Variants in NLGN1 observed in about 807,000 individuals in gnomAD.
NLGN1 encodes neuroligin-1.
NLGN1 carries 12 observed loss-of-function variants against 65.5 expected under a neutral mutation model. The observed-to-expected ratio is 0.18, with a 90% CI of 0.12 to 0.30. NLGN1 has a LOEUF of 0.30. Among genes scored for constraint, NLGN1 ranks in the 10% least tolerant of loss-of-function variants. The pLI is 1.00. For missense variants in NLGN1, 750 were observed against 1,007.1 expected, an observed-to-expected ratio of 0.74 and a Z score of 3.46; for synonymous variants, 350 against 359.5, an observed-to-expected ratio of 0.97 and a Z score of 0.30.
At chr3:173,815,446 T>C (rs1333327785) in intron 4 of NLGN1, among the ~76,000 whole-genome samples, 1 of 151,988 alleles carries the variant, frequency 6.6e-6, no homozygotes, top group Non-Finnish European at 1.5e-5. Context: ...TTGTCAAGAT[T>C]CCCAAAGACC....
intron 4 of NLGN1, chr3:174,136,714 T>G (rs141877641): frequency 6.6e-6 from 1 of 152,088 alleles, no homozygotes; most frequent in African/African-American, 2.4e-5. Context: ...ATAACAATGT[T>G]AAAAACAGGT....
intron 2 of NLGN1, among the ~76,000 whole-genome samples, chr3:173,553,808 A>G (rs562549902): frequency 6.6e-6 from 1 of 152,316 alleles, no homozygotes; most frequent in Admixed American, 6.5e-5. Flanking sequence ...CGACTAACAG[A>G]AGGGCTCTTA....
intron 2 of NLGN1, among the ~76,000 whole-genome samples, chr3:173,518,513 T>C (rs146587478): frequency 8.3e-4 from 125 of 150,202 alleles, no homozygotes; most frequent in African/African-American, 3.0e-3. Flanking sequence ...ATGTATTATA[T>C]ATATATGAGT....
At chr3:174,009,247 C>T (rs1725035670) in intron 4 of NLGN1, among the ~76,000 whole-genome samples, 2 of 152,124 alleles carry the variant, frequency 1.3e-5, no homozygotes, top group South Asian at 4.1e-4. Flanking sequence ...ATTCTAATTA[C>T]CTCCCCAAAA....
chr3:174,051,591 G>A (rs1176345197), intron 4 of NLGN1, among the ~76,000 whole-genome samples: 1 of 152,008 alleles, frequency 6.6e-6, no homozygotes, highest in Non-Finnish European at 1.5e-5. Flanking sequence ...TTAGGGATTG[G>A]AGGACATAAA....
chr3:173,606,041 T>A (rs1227509574), intron 3 of NLGN1, among the ~76,000 whole-genome samples: 1 of 152,064 alleles, frequency 6.6e-6, no homozygotes, highest in East Asian at 1.9e-4. Flanking sequence ...ATCTGAACAC[T>A]CTATGGACTT....
intron 4 of NLGN1, among the ~76,000 whole-genome samples, chr3:174,172,871 G>A (rs1164218651): frequency 1.3e-5 from 2 of 152,026 alleles, no homozygotes; most frequent in Non-Finnish European, 2.9e-5. Context: ...TAGGTATTGT[G>A]ATAGGGATTG....
chr3:173,747,222 T>C (rs1431302840), intron 3 of NLGN1, among the ~76,000 whole-genome samples: 1 of 137,188 alleles, frequency 7.3e-6, no homozygotes, highest in Non-Finnish European at 1.5e-5. Flanking sequence ...TAAGTATATA[T>C]ATTTAAATAT....
intron 4 of NLGN1, among the ~76,000 whole-genome samples, chr3:174,094,114 G>A (rs1439225501): frequency 6.6e-6 from 1 of 152,018 alleles, no homozygotes; most frequent in African/African-American, 2.4e-5. Context: ...AATTAGTGAG[G>A]CTAACCAAAA....
At chr3:174,249,316 T>C (rs2152840562) in intron 4 of NLGN1, among the ~76,000 whole-genome samples, 1 of 152,332 alleles carries the variant, frequency 6.6e-6, no homozygotes, top group South Asian at 2.1e-4. Context: ...CTTGGTGCCT[T>C]CTGTGGTACC....
intron 4 of NLGN1, among the ~76,000 whole-genome samples, chr3:174,076,722 AGAGTGTGT>A (rs1201075787): frequency 3.0e-3 from 312 of 102,896 alleles, no homozygotes; most frequent in African/African-American, 6.1e-3. Flanking sequence ...AGAGAGAGAG[AGAGTGTGT>A]GTGTGTGTGT....
At position 173,907,597 on chromosome 3, in the gene NLGN1, T is replaced by G. The variant is rs1473492293; in HGVS notation, c.646+99765T>G. 2.0e-5 allele frequency among the ~76,000 whole-genome samples: 3 copies of G among 149,852 alleles called. No homozygotes were observed. The East Asian group carries it at 5.9e-4, about 29-fold the overall frequency. On this transcript the variant is annotated intron_variant, in intron 4 of 6. Transcript: ENST00000457714. ...CTCTCTCTCTCTTTTTTTTTTTTTT[T>G]TTTTTGAGTTGGAGTGTTGCTCTGT...
intron 4 of NLGN1, among the ~76,000 whole-genome samples, chr3:174,145,641 AT>A (rs1723090262): frequency 6.6e-6 from 1 of 152,224 alleles, no homozygotes; most frequent in African/African-American, 2.4e-5. Flanking sequence ...TGCTACTTGC[AT>A]TTTGCAGCAC....
chr3:174,148,305 G>C (rs1723717971), intron 4 of NLGN1, among the ~76,000 whole-genome samples: 1 of 152,160 alleles, frequency 6.6e-6, no homozygotes, highest in South Asian at 2.1e-4. Flanking sequence ...ATATGTCCTA[G>C]ATAATACAAT....
chr3:174,065,145 T>A (rs1360044165), intron 4 of NLGN1, among the ~76,000 whole-genome samples: 1 of 151,998 alleles, frequency 6.6e-6, no homozygotes, highest in African/African-American at 2.4e-5. Context: ...TAATAATATG[T>A]TATGGGTTTT....
intron 4 of NLGN1, among the ~76,000 whole-genome samples, chr3:174,191,812 T>C (rs1732440827): frequency 6.6e-6 from 1 of 152,100 alleles, no homozygotes; most frequent in South Asian, 2.1e-4. Context: ...TGTTTGTTTG[T>C]TTTTGTCTTT....
chr3:174,168,131 G>A (rs553326787), intron 4 of NLGN1, among the ~76,000 whole-genome samples: 1 of 152,044 alleles, frequency 6.6e-6, no homozygotes, highest in South Asian at 2.1e-4. Context: ...TGATTTAGAG[G>A]ATTTCTCTGT....
chr3:173,739,732 T>G (rs532450577), intron 3 of NLGN1, among the ~76,000 whole-genome samples: 1 of 152,282 alleles, frequency 6.6e-6, no homozygotes, highest in Admixed American at 6.5e-5. Flanking sequence ...GTGCCTTATT[T>G]AAAATAAGGC....
chr3:174,177,256 G>A (rs1166519981), intron 4 of NLGN1, among the ~76,000 whole-genome samples: 1 of 151,904 alleles, frequency 6.6e-6, no homozygotes, highest in East Asian at 1.9e-4. Flanking sequence ...CTCTAACAGA[G>A]GGTATTATAG....
Sources: gnomAD v4.1 joint callset for allele counts (sites outside exome capture counted in the v4.1 genomes callset) on GRCh38, gnomAD v4.1.1 for gene constraint, MANE v1.5 for transcripts, NCBI Gene and HGNC (gene_info 2026-07-23, HGNC 2026-07-21) for gene names.